The following KCNJ3 variants were observed in gnomAD, a reference collection of about 807,000 sequenced individuals.
KCNJ3 encodes G protein-activated inward rectifier potassium channel 1.
A neutral mutation model predicts 39.2 loss-of-function variants in KCNJ3; 4 were observed. The ratio of observed to expected loss-of-function variants is 0.10; its 90% confidence interval spans 0.05 to 0.23. KCNJ3 has a LOEUF of 0.23. Among genes scored for constraint, KCNJ3 ranks in the 10% least tolerant of loss-of-function variants. The probability of loss-of-function intolerance (pLI) is 1.00; values close to 1 mark genes in which losing one functional copy is unlikely to be tolerated. For synonymous variants in KCNJ3, 230 were observed against 237.4 expected (o/e 0.97, Z 0.29); for missense variants, 276 against 634.9 (o/e 0.43, Z 6.08).
At chr2:154,842,615 T>G (rs1022165733) in intron 2 of KCNJ3, among the ~76,000 whole-genome samples, 2 of 152,226 alleles carry the variant, frequency 1.3e-5, no homozygotes, top group African/African-American at 4.8e-5. Context: ...TTTATGAATC[T>G]GAGTGCTCCT....
intron 2 of KCNJ3, among the ~76,000 whole-genome samples, chr2:154,840,271 G>T (rs988010556): frequency 2.6e-5 from 4 of 151,960 alleles, no homozygotes; most frequent in Non-Finnish European, 5.9e-5. Context: ...GTTATTTCTG[G>T]GGGCTCTGTT....
At chr2:154,820,417 A>G (rs1283350434) in intron 2 of KCNJ3, among the ~76,000 whole-genome samples, 1 of 152,206 alleles carries the variant, frequency 6.6e-6, no homozygotes, top group African/African-American at 2.4e-5. Context: ...TTTAACTAAA[A>G]TATTTCAAAG....
At chr2:154,792,898 A>G (rs368607100) in intron 2 of KCNJ3, among the ~76,000 whole-genome samples, 2 of 152,226 alleles carry the variant, frequency 1.3e-5, no homozygotes, top group South Asian at 2.1e-4. Flanking sequence ...CCATGGAGGT[A>G]GGAGAAAGAT....
At chr2:154,780,833 C>T (rs980480824) in intron 2 of KCNJ3, among the ~76,000 whole-genome samples, 14 of 152,062 alleles carry the variant, frequency 9.2e-5, no homozygotes, top group Admixed American at 7.2e-4. Context: ...AAACAATGGT[C>T]CTTTGTGGTA....
At chr2:154,782,127 A>T (rs1039181123) in intron 2 of KCNJ3, among the ~76,000 whole-genome samples, 2 of 152,134 alleles carry the variant, frequency 1.3e-5, no homozygotes, top group East Asian at 3.8e-4. Context: ...AGTGATTATT[A>T]GGAAGTCTTA....
intron 2 of KCNJ3, among the ~76,000 whole-genome samples, chr2:154,720,754 G>A (rs1314553633): frequency 1.3e-5 from 2 of 152,096 alleles, no homozygotes; most frequent in Non-Finnish European, 2.9e-5. Context: ...AGAAGGTTTG[G>A]ACCTTATGAA....
At chr2:154,772,781 A>C (rs1265847057) in intron 2 of KCNJ3, among the ~76,000 whole-genome samples, 1 of 151,844 alleles carries the variant, frequency 6.6e-6, no homozygotes, top group African/African-American at 2.4e-5. Flanking sequence ...TGTAAACCTA[A>C]TTAGAGATGG....
At chr2:154,802,979 G>C (rs1247711046) in intron 2 of KCNJ3, among the ~76,000 whole-genome samples, 1 of 151,878 alleles carries the variant, frequency 6.6e-6, no homozygotes, top group African/African-American at 2.4e-5. Flanking sequence ...TATCTTCAAG[G>C]CTCTGAAACC....
chr2:154,815,747 T>A (rs2105105420), intron 2 of KCNJ3, among the ~76,000 whole-genome samples: 1 of 152,354 alleles, frequency 6.6e-6, no homozygotes, highest in East Asian at 1.9e-4. Context: ...TTAATATTCA[T>A]TGCCTCACTG....
At chr2:154,713,626 T>C (rs1180363607) in intron 2 of KCNJ3, among the ~76,000 whole-genome samples, 1 of 152,206 alleles carries the variant, frequency 6.6e-6, no homozygotes, top group African/African-American at 2.4e-5. Flanking sequence ...CCTCCTTGCT[T>C]CAAATGAGTT....
chr2:154,790,509 T>A (rs113447342), intron 2 of KCNJ3, among the ~76,000 whole-genome samples: 10,439 of 152,076 alleles, frequency 0.069, 440 homozygotes, highest in African/African-American at 0.11. Context: ...GAAGGGTATG[T>A]TGATAGGATG....
chr2:154,809,428 T>C (rs1328386722), intron 2 of KCNJ3, among the ~76,000 whole-genome samples: 1 of 152,194 alleles, frequency 6.6e-6, no homozygotes, highest in Non-Finnish European at 1.5e-5. Context: ...GCTGGGTAGT[T>C]GGCTAATTAA....
At chr2:154,792,139 C>G (rs922299302) in intron 2 of KCNJ3, among the ~76,000 whole-genome samples, 8 of 152,068 alleles carry the variant, frequency 5.3e-5, no homozygotes, top group African/African-American at 1.9e-4. Context: ...AAGGCCCTGA[C>G]TATTCCTTCA....
intron 2 of KCNJ3, among the ~76,000 whole-genome samples, chr2:154,723,669 T>C: frequency 6.6e-6 from 1 of 152,214 alleles, no homozygotes; most frequent in East Asian, 1.9e-4. Flanking sequence ...TAGTTTGTAT[T>C]CATTTAGCTT....
intron 2 of KCNJ3, among the ~76,000 whole-genome samples, chr2:154,764,220 C>T (rs762088649): frequency 7.2e-5 from 11 of 152,216 alleles, no homozygotes; most frequent in Non-Finnish European, 1.5e-4. Context: ...TTAAAAGGAG[C>T]GTTAAGGGGT....
At chr2:154,767,819 C>T (rs1686161791) in intron 2 of KCNJ3, among the ~76,000 whole-genome samples, 1 of 152,188 alleles carries the variant, frequency 6.6e-6, no homozygotes, top group Non-Finnish European at 1.5e-5. Context: ...TATAAATGTT[C>T]CTATTTCTCC....
At chr2:154,791,387 T>TGGTTGGTAAGCTGGTTG (rs970526147) in intron 2 of KCNJ3, among the ~76,000 whole-genome samples, 2 of 152,082 alleles carry the variant, frequency 1.3e-5, no homozygotes, top group African/African-American at 4.8e-5. Flanking sequence ...CAGCCTGTTC[T>TGGTTGGTAAGCTGGTTG]GTAAGCTGGT....
chr2:154,721,270 T>A (rs1009779553), intron 2 of KCNJ3, among the ~76,000 whole-genome samples: 1 of 152,170 alleles, frequency 6.6e-6, no homozygotes, highest in Non-Finnish European at 1.5e-5. Flanking sequence ...GAGGGTAGGC[T>A]TTGTTCTTGA....
chr2:154,806,920 C>T (rs1379970479), intron 2 of KCNJ3, among the ~76,000 whole-genome samples: 2 of 152,174 alleles, frequency 1.3e-5, no homozygotes, highest in East Asian at 3.9e-4. Flanking sequence ...TTAGATTCCA[C>T]GGGTTTCACC....
Sources: gnomAD v4.1 joint callset for allele counts (sites outside exome capture counted in the v4.1 genomes callset) on GRCh38, gnomAD v4.1.1 for gene constraint, MANE v1.5 for transcripts, NCBI Gene and HGNC (gene_info 2026-07-23, HGNC 2026-07-21) for gene names.